PKIB: variants seen among roughly 807,000 people sequenced by gnomAD.
PKIB encodes PKI-beta.
In PKIB, 2 loss-of-function variants were observed where a neutral mutation model predicts 4.5. The observed-to-expected ratio is 0.44, with a 90% CI of 0.18 to 1.39. The LOEUF (loss-of-function observed/expected upper bound fraction) is 1.39. Ranked by LOEUF, PKIB falls within the 40% of genes most tolerant of loss-of-function variation. The pLI is 0.27. For missense variants in PKIB, 94 were observed against 92.6 expected (o/e 1.02, Z -0.06); for synonymous variants, 38 against 36.0 (o/e 1.06, Z -0.20).
rs1403188785 is a variant in PKIB, at chr6:122,721,054, A to G, written c.169+3091A>G. On this transcript the variant is annotated intron_variant, in intron 4 of 4. Coordinates refer to ENST00000368452, the MANE Select transcript of PKIB (RefSeq NM_181795.3). ...TATATGATTGAGGAGAAAACAGTGCAAATGAAATTATCCCATACCTGACAA... is the reference window on the plus strand; with the variant it reads ...TATATGATTGAGGAGAAAACAGTGCGAATGAAATTATCCCATACCTGACAA... 1.1e-4 allele frequency among the ~76,000 whole-genome samples: 16 copies of G among 152,288 alleles called. No individual in the cohort carries two copies. In the East Asian group the frequency reaches 3.1e-3, roughly 29 times the overall value.
chr6:122,631,721 AATAG>A (rs994822144), intron 1 of PKIB, among the ~76,000 whole-genome samples: 14 of 152,180 alleles, frequency 9.2e-5, no homozygotes, highest in African/African-American at 2.9e-4. Flanking sequence ...CCAGCTGATA[AATAG>A]ATGAGTTGAA....
intron 2 of PKIB, among the ~76,000 whole-genome samples, chr6:122,572,289 T>A (rs1002050076): frequency 2.6e-5 from 4 of 151,960 alleles, no homozygotes; most frequent in African/African-American, 7.2e-5. Context: ...GCTCCAAGAT[T>A]TATAAAACAA....
At chr6:122,695,319 G>A (rs1778528866) in intron 3 of PKIB, among the ~76,000 whole-genome samples, 1 of 152,018 alleles carries the variant, frequency 6.6e-6, no homozygotes, top group African/African-American at 2.4e-5. Context: ...GTTTTATTCT[G>A]TGAAAGAATT....
At chr6:122,607,318 CAAAACAAAACAAAACAAAACAAA>C (rs1774574857), upstream of PKIB, among the ~76,000 whole-genome samples, 1 of 150,160 alleles carries the variant, frequency 6.7e-6, no homozygotes, top group Non-Finnish European at 1.5e-5. Context: ...TACAAAAAAA[CAAAACAAAACAAAACAAAACAAA>C]AAAACAAAAC....
chr6:122,483,291 T>C (rs1395664816), intron 2 of PKIB: 1 of 152,190 alleles, frequency 6.6e-6, no homozygotes, highest in Non-Finnish European at 1.5e-5. Context: ...ATATCAATTT[T>C]TGATTATGGG....
intron 2 of PKIB, chr6:122,478,164 T>G (rs544217431): frequency 6.6e-6 from 1 of 152,246 alleles, no homozygotes; most frequent in East Asian, 1.9e-4. Flanking sequence ...GGTCTGTCCC[T>G]TTCCTCCAGA....
chr6:122,503,492 T>A (rs1776307223), intron 2 of PKIB, among the ~76,000 whole-genome samples: 1 of 152,194 alleles, frequency 6.6e-6, no homozygotes, highest in Non-Finnish European at 1.5e-5. Flanking sequence ...TCAGCGTGAC[T>A]GAGTCCAGGG....
intron 3 of PKIB, among the ~76,000 whole-genome samples, chr6:122,598,021 A>G (rs1324012831): frequency 6.6e-6 from 1 of 152,146 alleles, no homozygotes; most frequent in East Asian, 1.9e-4. Flanking sequence ...TCCCCACTGC[A>G]CAGTTACCCT....
intron 2 of PKIB, among the ~76,000 whole-genome samples, chr6:122,583,957 G>T (rs1199774455): frequency 6.6e-6 from 1 of 152,092 alleles, no homozygotes; most frequent in Non-Finnish European, 1.5e-5. Context: ...TCTTTGCAGT[G>T]TGGGAGTGTC....
At chr6:122,500,654 C>A (rs1179900364) in intron 2 of PKIB, among the ~76,000 whole-genome samples, 1 of 152,112 alleles carries the variant, frequency 6.6e-6, no homozygotes, top group Non-Finnish European at 1.5e-5. Context: ...GTAGGCATTG[C>A]ATTTTCTTAG....
intron 1 of PKIB, among the ~76,000 whole-genome samples, chr6:122,611,462 CTG>C (rs1021555470): frequency 2.0e-5 from 3 of 152,120 alleles, no homozygotes; most frequent in African/African-American, 7.2e-5. Context: ...TAGCTGGAGT[CTG>C]TGCAGGACTG....
At chr6:122,667,641 GAA>G (rs1428348909) in intron 2 of PKIB, among the ~76,000 whole-genome samples, 3 of 152,192 alleles carry the variant, frequency 2.0e-5, no homozygotes, top group African/African-American at 7.2e-5. Context: ...ATATAGGTAA[GAA>G]AGTAATATAA....
chr6:122,472,876 G>T (rs759723772), intron 1 of PKIB, among the ~76,000 whole-genome samples: 4 of 152,168 alleles, frequency 2.6e-5, no homozygotes, highest in Admixed American at 1.3e-4. Flanking sequence ...ACTTTGGGAG[G>T]CTGAGGCAGG....
Position 122,693,888 on chromosome 6 carries a change from T to C in PKIB, c.-9+18744T>C, listed in dbSNP as rs118087097. Among the ~76,000 whole-genome samples, 4 of 152,302 alleles carry C rather than the reference T, an allele frequency of 2.6e-5. No individual in the cohort carries two copies. The East Asian group carries it at 7.7e-4, about 29-fold the overall frequency. On this transcript the variant is annotated intron_variant, in intron 3 of 4. Coordinates refer to ENST00000368452, the MANE Select transcript of PKIB (RefSeq NM_181795.3). ...GTGAAAAGTAAAAAACTCTAGGAGA[T>C]GACTGATCTAGACAAGGCCATCAGC...
At chr6:122,522,063 C>CA (rs1776961361) in intron 2 of PKIB, among the ~76,000 whole-genome samples, 1 of 151,646 alleles carries the variant, frequency 6.6e-6, no homozygotes, top group Admixed American at 6.6e-5. Context: ...CAAACTCAAA[C>CA]AAAAAAATCA....
intron 3 of PKIB, among the ~76,000 whole-genome samples, chr6:122,593,576 G>A (rs2114728329): frequency 6.6e-6 from 1 of 152,210 alleles, no homozygotes; most frequent in Non-Finnish European, 1.5e-5. Flanking sequence ...TTCCCTTGTT[G>A]ATAATGAATA....
At chr6:122,698,152 A>G (rs1042729540) in intron 3 of PKIB, among the ~76,000 whole-genome samples, 1 of 152,290 alleles carries the variant, frequency 6.6e-6, no homozygotes, top group African/African-American at 2.4e-5. Flanking sequence ...ACTGAGCTCT[A>G]TCATGTATAA....
intron 3 of PKIB, among the ~76,000 whole-genome samples, chr6:122,707,715 C>G (rs1779118447): frequency 6.6e-6 from 1 of 152,052 alleles, no homozygotes; most frequent in East Asian, 1.9e-4. Flanking sequence ...AGAAAGATTG[C>G]ATTTTTAAGA....
At chr6:122,610,882 C>CG (rs1338733196) in intron 1 of PKIB, among the ~76,000 whole-genome samples, 1 of 152,108 alleles carries the variant, frequency 6.6e-6, no homozygotes, top group African/African-American at 2.4e-5. Context: ...CTTCGGCTCT[C>CG]GCGCCAGCAA....
Sources: allele counts gnomAD v4.1 joint callset (sites outside exome capture counted in the v4.1 genomes callset), GRCh38; gene constraint gnomAD v4.1.1; transcripts MANE v1.5; gene names NCBI Gene and HGNC (gene_info 2026-07-23, HGNC 2026-07-21).